CNTNAP2: variants seen among roughly 807,000 people sequenced by gnomAD.
The protein encoded by CNTNAP2 is contactin associated protein 2.
A neutral mutation model predicts 155.2 loss-of-function variants in CNTNAP2; 98 were observed. The observed-to-expected ratio is 0.63, with a 90% CI of 0.54 to 0.75. The LOEUF is 0.75. Ranked by LOEUF, CNTNAP2 falls within the 30% of genes least tolerant of loss-of-function variation. The probability of loss-of-function intolerance (pLI) is 0.00; values close to 1 mark genes in which losing one functional copy is unlikely to be tolerated. For missense variants in CNTNAP2, 1,727 were observed against 1,688.1 expected, an observed-to-expected ratio of 1.02 and a Z score of -0.40; for synonymous variants, 651 against 631.2, an observed-to-expected ratio of 1.03 and a Z score of -0.47.
At chr7:148,409,520 A>G (rs993836477) in intron 23 of CNTNAP2, 49 bp downstream of exon 23, 1 of 1,484,630 alleles carries the variant, frequency 6.7e-7, no homozygotes, top group Non-Finnish European at 9.4e-7. Flanking sequence ...AACTATGGAA[A>G]GTAATAGTTG....
intron 1 of CNTNAP2, among the ~76,000 whole-genome samples, chr7:146,422,308 TAAG>T (rs1796024044): frequency 6.7e-6 from 1 of 150,100 alleles, no homozygotes; most frequent in Non-Finnish European, 1.5e-5. Flanking sequence ...AATACATATA[TAAG>T]AATATATACA....
chr7:147,459,045 C>T (rs1321912208), intron 10 of CNTNAP2, among the ~76,000 whole-genome samples: 2 of 152,080 alleles, frequency 1.3e-5, no homozygotes, highest in African/African-American at 4.8e-5. Context: ...TAGTGCTACC[C>T]AACAGAATTT....
At chr7:146,860,626 CTA>C (rs1795079045) in intron 3 of CNTNAP2, among the ~76,000 whole-genome samples, 1 of 151,830 alleles carries the variant, frequency 6.6e-6, no homozygotes, top group African/African-American at 2.4e-5. Context: ...AGAGGATAGT[CTA>C]TTGTGGAAAA....
At chr7:148,164,951 A>G (rs975219004) in intron 17 of CNTNAP2, among the ~76,000 whole-genome samples, 10 of 151,688 alleles carry the variant, frequency 6.6e-5, no homozygotes, top group African/African-American at 2.4e-4. Flanking sequence ...CCTGGCTCTA[A>G]CTCTGTACTT....
chr7:147,512,941 CAG>C (rs1441323033), intron 11 of CNTNAP2, among the ~76,000 whole-genome samples: 1 of 151,770 alleles, frequency 6.6e-6, no homozygotes, highest in Non-Finnish European at 1.5e-5. Flanking sequence ...TGTTGTTTGA[CAG>C]AGAAAACATA....
intron 15 of CNTNAP2, among the ~76,000 whole-genome samples, chr7:147,989,189 G>T (rs1009502940): frequency 6.6e-6 from 1 of 152,198 alleles, no homozygotes; most frequent in Non-Finnish European, 1.5e-5. Context: ...GATGCTACAA[G>T]GTGTGGCTGC....
chr7:147,155,280 C>T (rs913785999), intron 8 of CNTNAP2, among the ~76,000 whole-genome samples: 14 of 152,156 alleles, frequency 9.2e-5, no homozygotes, highest in Non-Finnish European at 1.8e-4. Flanking sequence ...TGGTCCCTCA[C>T]CAGACACTGA....
intron 2 of CNTNAP2, among the ~76,000 whole-genome samples, chr7:146,798,469 G>A (rs1244472429): frequency 6.6e-6 from 1 of 152,006 alleles, no homozygotes; most frequent in Non-Finnish European, 1.5e-5. Context: ...AGCCTCCTGG[G>A]TAGCTGGGAT....
chr7:146,908,195 A>C (rs1796186658), intron 3 of CNTNAP2, among the ~76,000 whole-genome samples: 1 of 152,244 alleles, frequency 6.6e-6, no homozygotes, highest in African/African-American at 2.4e-5. Flanking sequence ...CCCAAACATT[A>C]ATAATGGGAG....
intron 10 of CNTNAP2, among the ~76,000 whole-genome samples, chr7:147,443,776 A>G (rs1563205968): frequency 1.3e-5 from 2 of 152,172 alleles, no homozygotes; most frequent in African/African-American, 2.4e-5. Context: ...TTAATATGCA[A>G]TTTCACATTT....
intron 1 of CNTNAP2, among the ~76,000 whole-genome samples, chr7:146,333,740 A>G (rs1045313108): frequency 6.6e-6 from 1 of 152,192 alleles, no homozygotes; most frequent in Non-Finnish European, 1.5e-5. Context: ...CAAAACTGGT[A>G]CTTTCGGTTG....
chr7:147,401,991 T>C (rs1335985922), intron 10 of CNTNAP2, among the ~76,000 whole-genome samples: 5 of 152,216 alleles, frequency 3.3e-5, no homozygotes, highest in Non-Finnish European at 4.4e-5. Context: ...AAATTTTGCG[T>C]TCATAACTTA....
chr7:146,800,609 T>C (rs923120619), intron 2 of CNTNAP2, among the ~76,000 whole-genome samples: 1 of 152,168 alleles, frequency 6.6e-6, no homozygotes, highest in African/African-American at 2.4e-5. Flanking sequence ...CACAGAGACA[T>C]TAACTAGAAG....
intron 13 of CNTNAP2, among the ~76,000 whole-genome samples, chr7:147,657,774 C>G (rs1795547162): frequency 6.6e-6 from 1 of 152,120 alleles, no homozygotes; most frequent in Non-Finnish European, 1.5e-5. Flanking sequence ...AAGACATTGG[C>G]CTTCACTTGT....
intron 11 of CNTNAP2, among the ~76,000 whole-genome samples, chr7:147,538,018 C>T (rs1799577505): frequency 6.6e-6 from 1 of 152,098 alleles, no homozygotes; most frequent in African/African-American, 2.4e-5. Context: ...AAAAATCTCC[C>T]AGGAAGCTGA....
At chr7:147,984,907 G>C (rs1801589692) in intron 15 of CNTNAP2, among the ~76,000 whole-genome samples, 1 of 152,030 alleles carries the variant, frequency 6.6e-6, no homozygotes. Context: ...TTGAGGTCAG[G>C]AGTTTGAGAC....
chr7:147,340,424 A>AT (rs1170755741), intron 9 of CNTNAP2, among the ~76,000 whole-genome samples: 1 of 152,076 alleles, frequency 6.6e-6, no homozygotes, highest in Non-Finnish European at 1.5e-5. Context: ...TGTGCTTTTT[A>AT]TTTTTATATT....
chr7:147,300,050 T>C, intron 8 of CNTNAP2, 91 bp from the exon 9 acceptor site: 6 of 1,391,824 alleles, frequency 4.3e-6, no homozygotes, highest in Non-Finnish European at 6.1e-6. Context: ...AAAAATACTT[T>C]TATTTGTAAA....
intron 3 of CNTNAP2, among the ~76,000 whole-genome samples, chr7:146,924,919 C>T (rs1209551120): frequency 6.6e-6 from 1 of 151,906 alleles, no homozygotes; most frequent in Non-Finnish European, 1.5e-5. Context: ...AATTGTGATT[C>T]CATACAGGAA....
Sources: gnomAD v4.1 joint callset for allele counts (sites outside exome capture counted in the v4.1 genomes callset) on GRCh38, gnomAD v4.1.1 for gene constraint, MANE v1.5 for transcripts, NCBI Gene and HGNC (gene_info 2026-07-23, HGNC 2026-07-21) for gene names.